The following CAMTA1 variants were observed in gnomAD, a reference collection of about 807,000 sequenced individuals.
CAMTA1 encodes the protein calmodulin binding transcription activator 1.
CAMTA1 carries 27 observed loss-of-function variants against 170.9 expected under a neutral mutation model. The ratio of observed to expected loss-of-function variants is 0.16; its 90% CI spans 0.12 to 0.22. The LOEUF (loss-of-function observed/expected upper bound fraction) is 0.22, where lower values mean the gene tolerates loss of function less well. Among genes scored for constraint, CAMTA1 ranks in the 10% least tolerant of loss-of-function variants. The pLI, the probability that CAMTA1 is intolerant of heterozygous loss-of-function variation, is 1.00. For synonymous variants in CAMTA1, 833 were observed against 891.5 expected (o/e 0.93, Z 1.17); for missense variants, 1,619 against 2,217.2 (o/e 0.73, Z 5.42).
chr1:7,691,418 T>C (rs1209650858), intron 11 of CAMTA1, among the ~76,000 whole-genome samples: 1 of 152,110 alleles, frequency 6.6e-6, no homozygotes. Flanking sequence ...CGTGACCAAG[T>C]TGGCTTCTGA....
At chr1:7,279,202 G>A (rs1671159458) in intron 5 of CAMTA1, among the ~76,000 whole-genome samples, 1 of 152,204 alleles carries the variant, frequency 6.6e-6, no homozygotes, top group African/African-American at 2.4e-5. Flanking sequence ...TGGGGCCCAT[G>A]AAAGCTTGTA....
chr1:7,480,683 C>T (rs1045844270), intron 6 of CAMTA1, among the ~76,000 whole-genome samples: 2 of 152,136 alleles, frequency 1.3e-5, no homozygotes, highest in African/African-American at 4.8e-5. Flanking sequence ...CCTTTCTGTT[C>T]TTGGCAATCC....
intron 4 of CAMTA1, among the ~76,000 whole-genome samples, chr1:7,139,010 T>A (rs1253427603): frequency 6.9e-5 from 10 of 145,046 alleles, no homozygotes; most frequent in South Asian, 4.2e-4. Flanking sequence ...AATATATATA[T>A]ATATATATAA....
intron 2 of CAMTA1, 141 bp from the exon 3 acceptor site, chr1:6,824,951 T>G (rs1434153669): frequency 1.9e-6 from 1 of 515,010 alleles, no homozygotes; most frequent in Non-Finnish European, 3.5e-6. Context: ...TGAGTATTAT[T>G]AACTAAGAGG....
intron 16 of CAMTA1, among the ~76,000 whole-genome samples, chr1:7,740,682 G>T (rs2096805472): frequency 6.6e-6 from 1 of 152,170 alleles, no homozygotes; most frequent in Non-Finnish European, 1.5e-5. Context: ...ATTGTAAAGG[G>T]CATATGTATG....
At chr1:7,268,642 A>G (rs948056993) in intron 5 of CAMTA1, among the ~76,000 whole-genome samples, 1 of 152,234 alleles carries the variant, frequency 6.6e-6, no homozygotes, top group Admixed American at 6.5e-5. Context: ...TAAACAAATC[A>G]AAATGAGCAA....
intron 4 of CAMTA1, among the ~76,000 whole-genome samples, chr1:7,222,604 C>T (rs1365282913): frequency 6.6e-6 from 1 of 152,132 alleles, no homozygotes; most frequent in African/African-American, 2.4e-5. Flanking sequence ...CTAGACAGCC[C>T]CAGCCCTTTC....
rs1359618997 is a variant in CAMTA1 at position 7,063,168 on chromosome 1, G to A, written c.235-28136G>A. ...CATTGTGTTCCCAGCATCTCTGGCAGGATGCTGATCGGATAACCAGTGCCC... is the reference window on the plus strand; with the variant it reads ...CATTGTGTTCCCAGCATCTCTGGCAAGATGCTGATCGGATAACCAGTGCCC... On this transcript the variant is annotated intron_variant, in intron 3 of 22. Transcript: ENST00000303635. This position sits in a 1 kb window ranked among gnomAD's most constrained non-coding sequence, Gnocchi z 4.3. Among the ~76,000 whole-genome samples the A allele has an allele frequency of 2.6e-5, 4 of 152,202 alleles. No individual in the cohort carries two copies. The highest frequency in any genetic ancestry group is 5.9e-5 in the Non-Finnish European group (4 of 68,040).
rs151059422 is a variant in CAMTA1 at position 6,909,432 on chromosome 1, G to C, written c.234+84222G>C. Among the ~76,000 whole-genome samples the C allele has an allele frequency of 3.9e-5, 6 of 152,338 alleles. No individual in the cohort carries two copies. The East Asian group carries it at 1.2e-3, about 29-fold the overall frequency. ...GGAGGTTGGAAGCAGGCACAATTTG[G>C]AAATTCAGAGCCAGAAAAGGCCCAT... On this transcript the variant is annotated intron_variant, in intron 3 of 22. Coordinates refer to ENST00000303635, the MANE Select transcript of CAMTA1 (RefSeq NM_015215.4).
intron 11 of CAMTA1, among the ~76,000 whole-genome samples, chr1:7,690,176 AAG>A (rs1180433512): frequency 6.6e-6 from 1 of 152,200 alleles, no homozygotes; most frequent in Non-Finnish European, 1.5e-5. Context: ...AATAAGAAGA[AAG>A]AGCCAGCTGG....
intron 3 of CAMTA1, among the ~76,000 whole-genome samples, chr1:6,905,401 C>G (rs896077554): frequency 6.6e-6 from 1 of 152,020 alleles, no homozygotes; most frequent in Non-Finnish European, 1.5e-5. Flanking sequence ...ACCATGTTGG[C>G]CAGGGCTGGT....
intron 3 of CAMTA1, among the ~76,000 whole-genome samples, chr1:7,004,517 T>C (rs1422451746): frequency 6.6e-6 from 1 of 152,136 alleles, no homozygotes; most frequent in Non-Finnish European, 1.5e-5. Flanking sequence ...TTCTGCTTGC[T>C]TTTTTTCTTT....
intron 6 of CAMTA1, among the ~76,000 whole-genome samples, chr1:7,500,168 G>A (rs1408819363): frequency 7.0e-6 from 1 of 142,700 alleles, no homozygotes. Flanking sequence ...GTGTACATGA[G>A]TGAGTGTGTA....
chr1:7,313,434 C>A (rs2149634749), intron 5 of CAMTA1, among the ~76,000 whole-genome samples: 1 of 152,348 alleles, frequency 6.6e-6, no homozygotes, highest in South Asian at 2.1e-4. Flanking sequence ...ATGAACTGCA[C>A]TCCACGGCTT....
At chr1:7,335,140 G>GTC (rs781434178) in intron 5 of CAMTA1, among the ~76,000 whole-genome samples, 1 of 61,498 alleles carries the variant, frequency 1.6e-5, no homozygotes, top group Non-Finnish European at 3.9e-5. Flanking sequence ...GTGTGTGTGT[G>GTC]GGGGGGGGGG....
intron 3 of CAMTA1, among the ~76,000 whole-genome samples, chr1:6,909,113 A>T (rs1028271132): frequency 1.3e-5 from 2 of 152,156 alleles, no homozygotes; most frequent in Non-Finnish European, 2.9e-5. Context: ...GTTCTCTTCT[A>T]CTCCTCAAGA....
Position 7,092,407 on chromosome 1 carries a change from CATT to C in CAMTA1, c.302+1041_302+1043del, listed in dbSNP as rs1365050268. 6.6e-6 allele frequency among the ~76,000 whole-genome samples: 1 copy of C among 152,146 alleles called. No individual in the cohort carries two copies. The highest frequency in any genetic ancestry group is 2.4e-5 in the African/African-American group (1 of 41,414). On this transcript the variant is annotated intron_variant, in intron 4 of 22. Coordinates refer to ENST00000303635, the MANE Select transcript of CAMTA1 (RefSeq NM_015215.4). This position sits in a 1 kb window ranked among gnomAD's most constrained non-coding sequence, Gnocchi z 5.0. ...TTCTAGAAGGTATTTTAAAATACCA[CATT>C]ATTAGGCTGAGATATTTACTGGTTA...
chr1:7,603,519 G>C (rs923554797), intron 6 of CAMTA1, among the ~76,000 whole-genome samples: 8 of 151,798 alleles, frequency 5.3e-5, no homozygotes, highest in Non-Finnish European at 1.2e-4. Flanking sequence ...GCCTTTTTTT[G>C]TTTTCCATTT....
At chr1:7,267,449 A>T (rs1384412758) in intron 5 of CAMTA1, among the ~76,000 whole-genome samples, 11 of 152,202 alleles carry the variant, frequency 7.2e-5, no homozygotes, top group Admixed American at 7.2e-4. Context: ...ATGATTCTGC[A>T]CATCAGCAGG....
Sources: gnomAD v4.1 joint callset for allele counts (sites outside exome capture counted in the v4.1 genomes callset) on GRCh38, gnomAD v4.1.1 for gene constraint, Gnocchi (gnomAD v3.1) non-coding constraint, MANE v1.5 for transcripts, NCBI Gene and HGNC (gene_info 2026-07-23, HGNC 2026-07-21) for gene names.